Variants in CDH18 observed in about 807,000 individuals in gnomAD.
The protein encoded by CDH18 is cadherin 18.
A neutral mutation model predicts 67.9 loss-of-function variants in CDH18; 31 were observed. The observed-to-expected ratio is 0.46, with a 90% CI of 0.34 to 0.62. The LOEUF is 0.62. Ranked by LOEUF, CDH18 falls within the 20% of genes least tolerant of loss-of-function variation. The probability of loss-of-function intolerance (pLI) is 0.01; values close to 1 mark genes in which losing one functional copy is unlikely to be tolerated. For missense variants in CDH18, 890 were observed against 975.5 expected (o/e 0.91, Z 1.17); for synonymous variants, 362 against 347.2 (o/e 1.04, Z -0.48).
intron 4 of CDH18, among the ~76,000 whole-genome samples, chr5:19,739,588 T>G (rs57733775): frequency 0.041 from 6,224 of 152,254 alleles, 411 homozygotes; most frequent in African/African-American, 0.14. Context: ...GGTGGGTTGG[T>G]TTGTACAAAA....
chr5:19,692,861 A>C (rs1273365916), intron 5 of CDH18, among the ~76,000 whole-genome samples: 1 of 151,984 alleles, frequency 6.6e-6, no homozygotes, highest in Non-Finnish European at 1.5e-5. Flanking sequence ...TAAAACTACT[A>C]TACTATCCAG....
At chr5:19,593,739 T>C (rs897364468) in intron 6 of CDH18, among the ~76,000 whole-genome samples, 10 of 146,872 alleles carry the variant, frequency 6.8e-5, no homozygotes, top group African/African-American at 2.6e-4. Context: ...CTTCTTCTTC[T>C]TCTTCTTCTT....
chr5:20,453,111 G>A (rs1223054976), intron 1 of CDH18, among the ~76,000 whole-genome samples: 1 of 152,038 alleles, frequency 6.6e-6, no homozygotes, highest in Admixed American at 6.6e-5. Context: ...TTAGCACAGG[G>A]GCCCCTTGCT....
chr5:20,376,621 TC>T (rs949819496), intron 1 of CDH18, among the ~76,000 whole-genome samples: 2 of 151,924 alleles, frequency 1.3e-5, no homozygotes, highest in African/African-American at 4.8e-5. Flanking sequence ...TCTTTGATGT[TC>T]CAAAACGGCC....
At chr5:19,735,694 C>T (rs529504490) in intron 4 of CDH18, among the ~76,000 whole-genome samples, 11 of 152,114 alleles carry the variant, frequency 7.2e-5, no homozygotes, top group Middle Eastern at 6.8e-3. Flanking sequence ...TGTGCCCAGC[C>T]GATACTGGAT....
intron 1 of CDH18, among the ~76,000 whole-genome samples, chr5:20,393,035 G>A (rs2150118722): frequency 6.6e-6 from 1 of 151,808 alleles, no homozygotes; most frequent in South Asian, 2.1e-4. Context: ...CATACAATAA[G>A]GACTTACTGA....
At chr5:19,709,637 A>T (rs1044268142) in intron 5 of CDH18, among the ~76,000 whole-genome samples, 1 of 151,588 alleles carries the variant, frequency 6.6e-6, no homozygotes, top group Non-Finnish European at 1.5e-5. Flanking sequence ...AGAGAAAGAG[A>T]GAGAGAAAAA....
intron 1 of CDH18, among the ~76,000 whole-genome samples, chr5:20,564,253 A>C (rs1758373998): frequency 1.4e-5 from 1 of 71,228 alleles, no homozygotes; most frequent in Non-Finnish European, 3.2e-5. Context: ...TTGCATTATT[A>C]TCACAGTTTT....
rs532184488 is a variant in CDH18, at chr5:20,388,593, T to C, written c.-579-133088A>G. On this transcript the variant is annotated intron_variant, in intron 1 of 14. Transcript: ENST00000507958. ...TTCAGTTCTGCTCTGATCTTAGTTA[T>C]TTCATGCCTTCTGCTAGCTTTTGAA... is the stretch of plus-strand genomic sequence containing the variant. Among the ~76,000 whole-genome samples, 625 of 152,288 alleles carry C rather than the reference T, an allele frequency of 4.1e-3. 8 individuals are homozygous for C. The highest frequency in any genetic ancestry group is 0.014 in the African/African-American group (591 of 41,574).
At chr5:19,476,169 T>C (rs1446109682) in intron 12 of CDH18, among the ~76,000 whole-genome samples, 1 of 151,848 alleles carries the variant, frequency 6.6e-6, no homozygotes, top group Non-Finnish European at 1.5e-5. Context: ...GAAAAAAACA[T>C]CTGTAGAGAA....
intron 10 of CDH18, among the ~76,000 whole-genome samples, chr5:19,507,062 A>T (rs1308400335): frequency 6.6e-6 from 1 of 152,212 alleles, no homozygotes; most frequent in Non-Finnish European, 1.5e-5. Context: ...TTACAAGAAA[A>T]AAGCAAACAA....
At chr5:20,050,182 G>C (rs999957255) in intron 2 of CDH18, among the ~76,000 whole-genome samples, 2 of 151,866 alleles carry the variant, frequency 1.3e-5, no homozygotes. Flanking sequence ...TGGGCAAATT[G>C]AGGGTTGAAG....
At chr5:20,202,309 G>A (rs1269325245) in intron 2 of CDH18, among the ~76,000 whole-genome samples, 2 of 152,050 alleles carry the variant, frequency 1.3e-5, no homozygotes, top group Non-Finnish European at 2.9e-5. Flanking sequence ...AGTTTCTTTT[G>A]TTTTTGCTTA....
chr5:20,443,110 T>C (rs906477511), intron 1 of CDH18, among the ~76,000 whole-genome samples: 7 of 139,250 alleles, frequency 5.0e-5, no homozygotes, highest in African/African-American at 1.9e-4. Flanking sequence ...CTTGGGAGGC[T>C]GAGGAAGGAG....
chr5:19,735,933 C>G (rs1297111666), intron 4 of CDH18, among the ~76,000 whole-genome samples: 2 of 151,930 alleles, frequency 1.3e-5, no homozygotes, highest in Non-Finnish European at 2.9e-5. Context: ...ATCTACATGA[C>G]AATTATGTAA....
At chr5:19,676,756 G>A (rs905600119) in intron 5 of CDH18, among the ~76,000 whole-genome samples, 26 of 151,862 alleles carry the variant, frequency 1.7e-4, no homozygotes, top group Admixed American at 3.9e-4. Context: ...CACTTCCCAA[G>A]GGCAAGAAGC....
At chr5:19,577,444 C>T (rs1742500515) in intron 7 of CDH18, among the ~76,000 whole-genome samples, 1 of 151,922 alleles carries the variant, frequency 6.6e-6, no homozygotes, top group Non-Finnish European at 1.5e-5. Flanking sequence ...TTCCATTTTC[C>T]CCCTGTTGGA....
At chr5:19,753,660 T>C (rs538816783) in intron 3 of CDH18, among the ~76,000 whole-genome samples, 3 of 152,098 alleles carry the variant, frequency 2.0e-5, no homozygotes, top group African/African-American at 4.8e-5. Context: ...CACATTGCTA[T>C]GTGTTATGCC....
At chr5:20,425,636 A>G (rs572276714) in intron 1 of CDH18, among the ~76,000 whole-genome samples, 8 of 151,112 alleles carry the variant, frequency 5.3e-5, no homozygotes, top group Admixed American at 6.6e-5. Context: ...AATTGAAAAT[A>G]GTTGCTTTTG....
Sources: allele counts gnomAD v4.1 joint callset (sites outside exome capture counted in the v4.1 genomes callset), GRCh38; gene constraint gnomAD v4.1.1; transcripts MANE v1.5; gene names NCBI Gene and HGNC (gene_info 2026-07-23, HGNC 2026-07-21).